Variants in RABGAP1L observed in about 807,000 individuals in gnomAD.
RABGAP1L encodes the protein RAB GTPase activating protein 1 like.
A neutral mutation model predicts 137.7 loss-of-function variants in RABGAP1L; 63 were observed. The ratio of observed to expected loss-of-function variants is 0.46; its 90% CI spans 0.37 to 0.56. The LOEUF (loss-of-function observed/expected upper bound fraction) is 0.56. Ranked by LOEUF, RABGAP1L falls within the 20% of genes least tolerant of loss-of-function variation. RABGAP1L has a pLI of 0.00. For missense variants in RABGAP1L, 1,095 were observed against 1,244.0 expected (o/e 0.88, Z 1.80); for synonymous variants, 431 against 433.7 (o/e 0.99, Z 0.08).
chr1:174,273,011 T>C (rs1006504271), intron 8 of RABGAP1L, among the ~76,000 whole-genome samples: 1 of 152,054 alleles, frequency 6.6e-6, no homozygotes, highest in Non-Finnish European at 1.5e-5. Context: ...AGTGTAAAAG[T>C]AGCAAGCTAT....
intron 18 of RABGAP1L, among the ~76,000 whole-genome samples, chr1:174,783,688 A>ATGTTTT (rs1465225550): frequency 6.9e-6 from 1 of 145,182 alleles, no homozygotes; most frequent in Non-Finnish European, 1.5e-5. Flanking sequence ...CATCTTTGAT[A>ATGTTTT]TGTTTTCTTC....
At chr1:174,614,550 T>C (rs1671602032) in intron 13 of RABGAP1L, among the ~76,000 whole-genome samples, 1 of 152,216 alleles carries the variant, frequency 6.6e-6, no homozygotes. Context: ...CTGACATTTA[T>C]GTGGCTTGGA....
At chr1:174,519,224 A>ACT (rs1663148924) in intron 13 of RABGAP1L, among the ~76,000 whole-genome samples, 1 of 151,724 alleles carries the variant, frequency 6.6e-6, no homozygotes, top group South Asian at 2.1e-4. Flanking sequence ...ATATATACAC[A>ACT]CACACACACA....
At chr1:174,307,847 T>A (rs1678450005) in intron 11 of RABGAP1L, among the ~76,000 whole-genome samples, 1 of 152,170 alleles carries the variant, frequency 6.6e-6, no homozygotes. Flanking sequence ...GTAGGATTGC[T>A]AGATTATATG....
chr1:174,254,850 C>T (rs751624981), intron 7 of RABGAP1L, among the ~76,000 whole-genome samples: 40 of 152,266 alleles, frequency 2.6e-4, no homozygotes, highest in Middle Eastern at 3.4e-3. Flanking sequence ...CAGGTATATA[C>T]GCAGTAATGG....
chr1:174,563,053 G>T (rs974987793), intron 13 of RABGAP1L, among the ~76,000 whole-genome samples: 1 of 152,144 alleles, frequency 6.6e-6, no homozygotes, highest in African/African-American at 2.4e-5. Context: ...CATATCATCT[G>T]TAGTTACTTT....
chr1:174,522,928 C>T (rs962679904), intron 13 of RABGAP1L, among the ~76,000 whole-genome samples: 1 of 152,170 alleles, frequency 6.6e-6, no homozygotes, highest in East Asian at 1.9e-4. Context: ...CTAAGCCTCA[C>T]CTCCAACACT....
chr1:174,520,707 A>G (rs1253056347), intron 13 of RABGAP1L, among the ~76,000 whole-genome samples: 6 of 152,202 alleles, frequency 3.9e-5, no homozygotes, highest in Non-Finnish European at 8.8e-5. Flanking sequence ...TGATTTAAAA[A>G]GTGTTTTAGT....
chr1:174,613,956 C>A (rs2148226633), intron 13 of RABGAP1L, among the ~76,000 whole-genome samples: 1 of 152,238 alleles, frequency 6.6e-6, no homozygotes, highest in Non-Finnish European at 1.5e-5. Flanking sequence ...TGTGTCTCTG[C>A]ACATGAGATG....
chr1:174,456,745 G>A (rs564324740), intron 13 of RABGAP1L, among the ~76,000 whole-genome samples: 9 of 152,142 alleles, frequency 5.9e-5, no homozygotes, highest in Middle Eastern at 6.8e-3. Flanking sequence ...TCTTTAAGTC[G>A]TTTCTAGTGT....
At chr1:174,606,805 T>C (rs1437580179) in intron 13 of RABGAP1L, among the ~76,000 whole-genome samples, 3 of 152,238 alleles carry the variant, frequency 2.0e-5, no homozygotes, top group Non-Finnish European at 2.9e-5. Context: ...ATTTTTCTGA[T>C]TCTATTCATA....
At chr1:174,228,512 T>A (rs1028265703) in intron 3 of RABGAP1L, among the ~76,000 whole-genome samples, 1 of 152,138 alleles carries the variant, frequency 6.6e-6, no homozygotes, top group Non-Finnish European at 1.5e-5. Flanking sequence ...TATAATAATA[T>A]AATACAAAGT....
At chr1:174,941,667 C>T (rs2149293119) in intron 19 of RABGAP1L, among the ~76,000 whole-genome samples, 1 of 146,394 alleles carries the variant, frequency 6.8e-6, no homozygotes, top group South Asian at 2.2e-4. Context: ...TATATACCCT[C>T]CTCCTCCCCC....
intron 18 of RABGAP1L, among the ~76,000 whole-genome samples, chr1:174,758,991 C>T (rs938016243): frequency 6.6e-6 from 1 of 152,092 alleles, no homozygotes; most frequent in Non-Finnish European, 1.5e-5. Flanking sequence ...TTAGAATCTT[C>T]CCACTTTTCT....
At chr1:174,696,626 C>A (rs1679281128) in intron 15 of RABGAP1L, among the ~76,000 whole-genome samples, 1 of 152,182 alleles carries the variant, frequency 6.6e-6, no homozygotes, top group Non-Finnish European at 1.5e-5. Context: ...CTAAATTCTG[C>A]CCTGTGTTGT....
In RABGAP1L at chr1:174,762,695, A is replaced by T. The variant is rs190097891; in HGVS notation, c.2211+10341A>T. 1.2e-3 allele frequency among the ~76,000 whole-genome samples: 183 copies of T among 152,098 alleles called. 1 individual carries two copies. Among genetic ancestry groups the T allele is most frequent in the African/African-American group, 3.5e-3 (147 of 41,484 alleles). On this transcript the variant is annotated intron_variant, in intron 18 of 25. Transcript: ENST00000681986. ...GCACTTAAATATTTATTGACTACTG[A>T]CTTAGAGTCAAATTGAGAAAGCATA... is the stretch of plus-strand genomic sequence containing the variant.
At chr1:174,232,744 G>C (rs1670779855) in intron 4 of RABGAP1L, among the ~76,000 whole-genome samples, 1 of 148,874 alleles carries the variant, frequency 6.7e-6, no homozygotes, top group South Asian at 2.2e-4. Context: ...CTGGGCGACA[G>C]AGCAAGACGC....
At chr1:174,486,369 C>T (rs1410922597) in intron 13 of RABGAP1L, among the ~76,000 whole-genome samples, 11 of 142,408 alleles carry the variant, frequency 7.7e-5, no homozygotes, top group East Asian at 2.1e-4. Context: ...TTTTTTTAGA[C>T]GGAGTCTCAC....
At chr1:174,870,908 T>C (rs1652085130) in intron 19 of RABGAP1L, among the ~76,000 whole-genome samples, 1 of 151,962 alleles carries the variant, frequency 6.6e-6, no homozygotes, top group African/African-American at 2.4e-5. Flanking sequence ...CGGCTAATTT[T>C]TTTTATATTT....
Sources: gnomAD v4.1 joint callset for allele counts (sites outside exome capture counted in the v4.1 genomes callset) on GRCh38, gnomAD v4.1.1 for gene constraint, MANE v1.5 for transcripts, NCBI Gene and HGNC (gene_info 2026-07-23, HGNC 2026-07-21) for gene names.